The following DNAH5 variants were observed in gnomAD, a reference collection of about 807,000 sequenced individuals.
The protein encoded by DNAH5 is dynein axonemal heavy chain 5, also known as axonemal beta dynein heavy chain 5.
DNAH5 carries 372 observed loss-of-function variants against 518.2 expected under a neutral mutation model. That is an observed-to-expected ratio of 0.72 (90% CI 0.66 to 0.78). The LOEUF is 0.78. Among genes scored for constraint, DNAH5 ranks in the 30% least tolerant of loss-of-function variants. DNAH5 has a pLI of 0.00. For missense variants in DNAH5, 5,523 were observed against 5,687.0 expected, an observed-to-expected ratio of 0.97 and a Z score of 0.93; for synonymous variants, 2,039 against 2,025.9, an observed-to-expected ratio of 1.01 and a Z score of -0.17.
At chr5:13,752,730 G>A (rs1018839633) in intron 63 of DNAH5, among the ~76,000 whole-genome samples, 1 of 152,176 alleles carries the variant, frequency 6.6e-6, no homozygotes, top group African/African-American at 2.4e-5. Context: ...CTTTCATATA[G>A]ATTTTTAGAG....
In DNAH5 at chr5:13,737,408, G is replaced by A. The variant is rs780369063; in HGVS notation, c.11299C>T (p.Arg3767Cys). 43 of 1,613,962 alleles carry A rather than the reference G, an allele frequency of 2.7e-5. No homozygotes were observed. The highest frequency in any genetic ancestry group is 6.6e-5 in the South Asian group (6 of 91,082). Reference protein sequence around the residue: ...MKELEDNLLYRLTSTQGSLVE... With the variant: ...MKELEDNLLYCLTSTQGSLVE... ...AGGGACCCCTGGGTACTTGTCAGGC[G>A]GTAAAGCAAGTTATCTTCTAGTTCC... Residue 3767 changes from arginine to cysteine, a missense_variant, in exon 66 of 79, where the codon CGC (arginine) becomes TGC (cysteine). Around this residue, in one of 3 missense-constraint regions of DNAH5, gnomAD observed 5,121 missense variants for 5,223.3 expected, o/e 0.98. Transcript: ENST00000265104.
chr5:13,955,142 C>T (rs1004361327), intron 1 of DNAH5, among the ~76,000 whole-genome samples: 2 of 152,252 alleles, frequency 1.3e-5, no homozygotes, highest in African/African-American at 4.8e-5. Context: ...CACCGTCCCC[C>T]AACTGCTGTC....
chr5:13,874,524 A>G (rs1350961898), intron 22 of DNAH5, among the ~76,000 whole-genome samples: 1 of 150,386 alleles, frequency 6.6e-6, no homozygotes, highest in South Asian at 2.1e-4. Flanking sequence ...ACGTTTCTAT[A>G]TTTTTTTTTT....
At chr5:13,936,154 C>T (rs1778905489) in intron 1 of DNAH5, among the ~76,000 whole-genome samples, 1 of 152,164 alleles carries the variant, frequency 6.6e-6, no homozygotes, top group South Asian at 2.1e-4. Flanking sequence ...TGGTAAGGTT[C>T]TAGTCCCAGC....
In DNAH5 at chr5:13,747,157, C is replaced by A. The variant is rs577133195; in HGVS notation, c.11211+3921G>T. Among the ~76,000 whole-genome samples, 389 of 151,860 alleles carry A rather than the reference C, an allele frequency of 2.6e-3. 1 individual carries two copies. In the Middle Eastern group the frequency reaches 0.031, roughly 12 times the overall value. ...TGCGGTGTTTGGTTTTTTGTCCTTG[C>A]GATAGTTTGCTGAGAATGATGGTTT... On this transcript the variant is annotated intron_variant, in intron 65 of 78. Transcript: ENST00000265104.
intron 78 of DNAH5, among the ~76,000 whole-genome samples, chr5:13,692,806 C>T (rs2126339397): frequency 6.6e-6 from 1 of 152,298 alleles, no homozygotes. Context: ...TTCAGAGATC[C>T]TTTCTAACAC....
intron 1 of DNAH5, among the ~76,000 whole-genome samples, chr5:13,989,657 A>T (rs1199576429): frequency 6.6e-6 from 1 of 151,722 alleles, no homozygotes; most frequent in Non-Finnish European, 1.5e-5. Context: ...CTAATTTTTT[A>T]TATTTTTAGT....
Position 13,808,950 on chromosome 5 carries a change from A to G in DNAH5, c.7752+94T>C. The G allele has an allele frequency of 2.7e-6, 4 of 1,491,914 alleles. No individual in the cohort carries two copies. In the South Asian group the frequency reaches 4.6e-5, roughly 17 times the overall value. The allele number at this position is 1,491,914 out of a possible 1,614,324, so 92.4% of individuals were successfully genotyped here. On this transcript the variant is annotated intron_variant, in intron 46 of 78. Transcript: ENST00000265104. ...ACTCCAGCCTGGGCGACAGAGTGAG[A>G]CTCCGTCTCAGTAAATAACTAAATA...
chr5:13,742,178 A>G (rs1172836262), intron 65 of DNAH5, among the ~76,000 whole-genome samples: 1 of 152,202 alleles, frequency 6.6e-6, no homozygotes, highest in Admixed American at 6.5e-5. Context: ...AGGGATAAGA[A>G]AGGAGAACTT....
intron 30 of DNAH5, among the ~76,000 whole-genome samples, chr5:13,854,523 T>C (rs904729516): frequency 6.6e-6 from 1 of 152,220 alleles, no homozygotes; most frequent in Admixed American, 6.5e-5. Context: ...ATAACAATAT[T>C]AACCTTAAAT....
Position 13,762,827 on chromosome 5 carries a change from G to A in DNAH5, c.10176C>T (p.Asn3392=). Residue 3392 remains asparagine, a synonymous_variant, in exon 60 of 79, where the codon AAC becomes AAT. Transcript: ENST00000265104. ...CACATACGCGTTTAGCAGTTTCGATGTTATAGTCAGGCATTTCAAAGTAAG... is the reference window on the plus strand; with the variant it reads ...CACATACGCGTTTAGCAGTTTCGATATTATAGTCAGGCATTTCAAAGTAAG... ...LSPYFEMPDY[N]IETAKRVCGN... The A allele has an allele frequency of 6.2e-7, 1 of 1,613,972 alleles. No homozygotes were observed. The highest frequency in any genetic ancestry group is 1.1e-5 in the South Asian group (1 of 91,072).
intron 75 of DNAH5, 64 bp from the exon 76 acceptor site, chr5:13,708,399 G>A: frequency 6.5e-7 from 1 of 1,532,906 alleles, no homozygotes; most frequent in South Asian, 1.1e-5. Flanking sequence ...TAGACCTGGT[G>A]CCCTGGGGCC....
intron 42 of DNAH5, among the ~76,000 whole-genome samples, chr5:13,817,272 T>C (rs1258235092): frequency 6.6e-6 from 1 of 152,232 alleles, no homozygotes; most frequent in Non-Finnish European, 1.5e-5. Flanking sequence ...TTATCAATTT[T>C]CCTTAACAGC....
chr5:13,731,134 C>G (rs1746486363), intron 68 of DNAH5, among the ~76,000 whole-genome samples: 1 of 152,226 alleles, frequency 6.6e-6, no homozygotes, highest in Non-Finnish European at 1.5e-5. Context: ...TTTATCCAGG[C>G]ACCATGTACA....
rs751776426 is a variant in DNAH5, at chr5:13,919,364, C to T, written c.799-12G>A. On this transcript the variant is annotated splice_polypyrimidine_tract_variant and intron_variant, in intron 6 of 78. Transcript: ENST00000265104. Reference sequence around the variant, plus strand: ...TTTTCAGCAAGAACCTGCAAATGCGCGGGGAAAAACACGAGCCATTGCACG... The same window carrying T: ...TTTTCAGCAAGAACCTGCAAATGCGTGGGGAAAAACACGAGCCATTGCACG... 2 of 1,612,620 alleles carry T rather than the reference C, an allele frequency of 1.2e-6. No homozygotes were observed. Among genetic ancestry groups the T allele is most frequent in the Middle Eastern group, 1.7e-4 (1 of 5,928 alleles).
chr5:13,877,928 G>A (rs976917157), intron 21 of DNAH5, among the ~76,000 whole-genome samples: 1 of 152,106 alleles, frequency 6.6e-6, no homozygotes, highest in Non-Finnish European at 1.5e-5. Context: ...GCAGAGACGG[G>A]GCTTTAAAAC....
chr5:13,966,001 CA>C lies in DNAH5; in HGVS notation c.13-34758del, dbSNP rs1781499788. On this transcript the variant is annotated intron_variant, in intron 1 of 78. Transcript: ENST00000681290. ...CTCACCCCCCTCCCATCCTTTCCCC[CA>C]ATCCCTAATGTCCATTGTATCATTC... Among the ~76,000 whole-genome samples, 2 of 152,018 alleles carry C rather than the reference CA, an allele frequency of 1.3e-5. 1 individual carries two copies. The highest frequency in any genetic ancestry group is 4.8e-5 in the African/African-American group (2 of 41,466).
At chr5:14,009,322 T>C (rs1022280823) in intron 1 of DNAH5, among the ~76,000 whole-genome samples, 7 of 152,206 alleles carry the variant, frequency 4.6e-5, no homozygotes, top group African/African-American at 7.2e-5. Context: ...CCATGCTCAC[T>C]GTATCCTTTT....
intron 1 of DNAH5, among the ~76,000 whole-genome samples, chr5:13,959,707 C>T (rs566742649): frequency 6.6e-6 from 1 of 152,314 alleles, no homozygotes; most frequent in East Asian, 1.9e-4. Context: ...GTGGCTCACA[C>T]CTGTAATCCC....
Sources: gnomAD v4.1 joint callset for allele counts (sites outside exome capture counted in the v4.1 genomes callset) on GRCh38, gnomAD v4.1.1 for gene constraint, gnomAD v4.1.1 regional missense constraint, MANE v1.5 for transcripts, NCBI Gene and HGNC (gene_info 2026-07-23, HGNC 2026-07-21) for gene names.